The following LIMK2 variants were observed in gnomAD, a reference collection of about 807,000 sequenced individuals.
LIMK2 encodes LIM domain kinase 2.
LIMK2 carries 35 observed loss-of-function variants against 75.7 expected under a neutral mutation model. That is an observed-to-expected ratio of 0.46 (90% CI 0.35 to 0.61). The LOEUF is 0.61. Among genes scored for constraint, LIMK2 ranks in the 20% least tolerant of loss-of-function variants. The pLI is 0.00. For missense variants in LIMK2, 623 were observed against 831.0 expected, an observed-to-expected ratio of 0.75 and a Z score of 3.08; for synonymous variants, 301 against 319.2, an observed-to-expected ratio of 0.94 and a Z score of 0.61.
At position 31,219,653 on chromosome 22, in the gene LIMK2, G is replaced by A. The variant is rs551641553; in HGVS notation, c.17-6067G>A. ...GTGGCACGATCTCGGCTCACTGCAA[G>A]CTCCACCTCCCGGGTTCATGCCATT... is the stretch of plus-strand genomic sequence containing the variant. On this transcript the variant is annotated intron_variant, in intron 1 of 15. Transcript: ENST00000331728. Among the ~76,000 whole-genome samples the A allele has an allele frequency of 3.9e-5, 6 of 152,110 alleles. No homozygotes were observed. In the East Asian group the frequency reaches 1.2e-3, roughly 29 times the overall value.
intron 2 of LIMK2, among the ~76,000 whole-genome samples, chr22:31,251,513 A>G (rs940310303): frequency 6.6e-6 from 1 of 152,174 alleles, no homozygotes; most frequent in African/African-American, 2.4e-5. Context: ...TTATTTGCCA[A>G]ATAATGGAGG....
In LIMK2 at chr22:31,212,526, G is replaced by A. The variant is rs535405616; in HGVS notation, c.16+102G>A. On this transcript the variant is annotated intron_variant, in intron 1 of 15. Transcript: ENST00000331728. Reference sequence around the variant, plus strand: ...GTCTCTCGGGGGTTTCGGGCTGGTTGGGTCCTCGTGGGTCCGAGCTCCTCA... The same window carrying A: ...GTCTCTCGGGGGTTTCGGGCTGGTTAGGTCCTCGTGGGTCCGAGCTCCTCA... 47 of 1,133,878 alleles carry A rather than the reference G, an allele frequency of 4.1e-5. No individual in the cohort carries two copies. In the African/African-American group the frequency reaches 7.3e-4, roughly 18 times the overall value. The allele number at this position is 1,133,878 out of a possible 1,614,324, so 70.2% of individuals were successfully genotyped here. A position where few individuals can be genotyped will look rare whatever the true frequency, so the allele number is the denominator to read the frequency against.
At chr22:31,217,552 A>C (rs552095810) in intron 1 of LIMK2, among the ~76,000 whole-genome samples, 1 of 152,350 alleles carries the variant, frequency 6.6e-6, no homozygotes, top group Admixed American at 6.5e-5. Flanking sequence ...CTTTGTATTC[A>C]GTTAGCTCAT....
intron 12 of LIMK2, among the ~76,000 whole-genome samples, chr22:31,271,447 A>T (rs1425333338): frequency 6.6e-6 from 1 of 152,132 alleles, no homozygotes; most frequent in Non-Finnish European, 1.5e-5. Context: ...GGGACTTCAG[A>T]AGTTTGTTGA....
chr22:31,264,114 A>G (rs1242020274), intron 7 of LIMK2, among the ~76,000 whole-genome samples: 1 of 152,080 alleles, frequency 6.6e-6, no homozygotes, highest in African/African-American at 2.4e-5. Context: ...CCTCACTCCC[A>G]TTGCCTCTTG....
chr22:31,259,309 C>A, intron 4 of LIMK2, 79 bp downstream of exon 4: 1 of 826,110 alleles, frequency 1.2e-6, no homozygotes, highest in Non-Finnish European at 2.1e-6. Context: ...GTGAGTTGGG[C>A]AGAAGGAGTG....
chr22:31,245,323 C>T (rs2048658389), intron 2 of LIMK2, among the ~76,000 whole-genome samples: 1 of 151,934 alleles, frequency 6.6e-6, no homozygotes, highest in African/African-American at 2.4e-5. Flanking sequence ...CTTTTTGAGA[C>T]AGAGTTTCAC....
At position 31,278,717 on chromosome 22, in the gene LIMK2, G is replaced by C; in HGVS notation, c.*276G>C. On this transcript the variant is annotated 3_prime_UTR_variant, in exon 16 of 16. Transcript: ENST00000331728. ...AAACCCCTGGCCTTTGGGCCAGGAGGAATCTGTTACTCGAATCCACCCAGG... is the reference window on the plus strand; with the variant it reads ...AAACCCCTGGCCTTTGGGCCAGGAGCAATCTGTTACTCGAATCCACCCAGG... 3.5e-6 allele frequency: 1 copy of C among 284,214 alleles called. No individual in the cohort carries two copies. The highest frequency in any genetic ancestry group is 6.6e-6 in the Non-Finnish European group (1 of 151,460). 17.6% of individuals were successfully genotyped at this position (284,214 alleles called of 1,614,324 possible).
chr22:31,276,961 G>T (rs1216721116), intron 15 of LIMK2: 2 of 1,613,834 alleles, frequency 1.2e-6, no homozygotes, highest in African/African-American at 1.3e-5. Flanking sequence ...CCAGGAAGAG[G>T]AGATCTCAGA....
At chr22:31,268,504 C>A (rs2048919828) in intron 11 of LIMK2, among the ~76,000 whole-genome samples, 1 of 152,120 alleles carries the variant, frequency 6.6e-6, no homozygotes, top group South Asian at 2.1e-4. Flanking sequence ...GTGCTGAGGG[C>A]CCTTAGACCA....
At position 31,278,214 on chromosome 22, in the gene LIMK2, G is replaced by A. The variant is rs2073860; in HGVS notation, c.1773-83G>A. 0.028 allele frequency: 34,202 copies of A among 1,243,544 alleles called. 4,343 individuals carry two copies. In the East Asian group the frequency reaches 0.41, roughly 15 times the overall value. The allele number at this position is 1,243,544 out of a possible 1,614,324, so 77.0% of individuals were successfully genotyped here. A position where few individuals can be genotyped will look rare whatever the true frequency, so the allele number is the denominator to read the frequency against. On this transcript the variant is annotated intron_variant, in intron 15 of 15. Transcript: ENST00000331728. ...TTGCCTGACGTTATACAACCAGGAA[G>A]TAGCTGAGCCTAGATCCCTTCCACC... is the stretch of plus-strand genomic sequence containing the variant.
rs115033601 is a variant in LIMK2 at position 31,259,200 on chromosome 22, A to T, written c.332A>T (p.Tyr111Phe). Residue 111 changes from tyrosine (Y) to phenylalanine (F), a missense_variant, in exon 4 of 16, where the codon TAT becomes TTT. Tyr to Phe is a conservative substitution (Grantham distance 22). Coordinates refer to ENST00000331728, the MANE Select transcript of LIMK2 (RefSeq NM_005569.4). ...CKVIIEDGDA[Y>F]ALVQHATLYC... ...GTGATCATTGAGGATGGGGATGCAT[A>T]TGCACTGGTGCAGCATGCCACCCTC... The T allele has an allele frequency of 1.6e-5, 26 of 1,611,898 alleles. No individual in the cohort carries two copies. In the East Asian group the frequency reaches 5.1e-4, roughly 32 times the overall value.
intron 15 of LIMK2, 176 bp downstream of exon 15, chr22:31,275,484 G>A: frequency 3.3e-6 from 2 of 610,424 alleles, no homozygotes; most frequent in Non-Finnish European, 5.7e-6. Flanking sequence ...AGAAGAGAGA[G>A]GTAAAGACAT....
intron 2 of LIMK2, among the ~76,000 whole-genome samples, chr22:31,239,012 G>A (rs1035411542): frequency 6.6e-6 from 1 of 152,336 alleles, no homozygotes; most frequent in Non-Finnish European, 1.5e-5. Flanking sequence ...ATAAGGGGTT[G>A]CAATTCCATG....
At chr22:31,212,678 C>T (rs1028011860) in intron 1 of LIMK2, among the ~76,000 whole-genome samples, 2 of 152,064 alleles carry the variant, frequency 1.3e-5, no homozygotes, top group Admixed American at 1.3e-4. Flanking sequence ...GGAGGCTTCC[C>T]GCGAGTTGAG....
intron 2 of LIMK2, among the ~76,000 whole-genome samples, chr22:31,234,121 TCCTGCC>T (rs1032912580): frequency 6.6e-6 from 1 of 152,064 alleles, no homozygotes; most frequent in African/African-American, 2.4e-5. Context: ...TAAGCAATTC[TCCTGCC>T]TCAGCCTCCC....
At chr22:31,272,772 C>T in intron 13 of LIMK2, 68 bp downstream of exon 13, 1 of 1,507,112 alleles carries the variant, frequency 6.6e-7, no homozygotes, top group East Asian at 2.3e-5. Context: ...CATCAGAGCC[C>T]TGGGAATTCC....
intron 1 of LIMK2, among the ~76,000 whole-genome samples, chr22:31,216,703 G>A (rs1013184000): frequency 3.3e-5 from 5 of 152,176 alleles, no homozygotes; most frequent in African/African-American, 7.2e-5. Flanking sequence ...ATAAAAATCC[G>A]TCATGATCAA....
intron 2 of LIMK2, among the ~76,000 whole-genome samples, chr22:31,230,552 C>T (rs944993923): frequency 6.6e-6 from 1 of 152,154 alleles, no homozygotes; most frequent in Non-Finnish European, 1.5e-5. Flanking sequence ...AAGGAAAATC[C>T]ACCGCTCTTA....
Sources: gnomAD v4.1 joint callset for allele counts (sites outside exome capture counted in the v4.1 genomes callset) on GRCh38, gnomAD v4.1.1 for gene constraint, MANE v1.5 for transcripts, NCBI Gene and HGNC (gene_info 2026-07-23, HGNC 2026-07-21) for gene names.